The following NUP62CL variants were observed in gnomAD, a reference collection of about 807,000 sequenced individuals.
The protein encoded by NUP62CL is nucleoporin 62 C-terminal like.
Under a neutral mutation model 15.3 loss-of-function variants are expected in NUP62CL, and 13 were observed. That is an observed-to-expected ratio of 0.85 (90% CI 0.55 to 1.35). The LOEUF (loss-of-function observed/expected upper bound fraction) is 1.35. NUP62CL is among the 40% of genes most tolerant of loss of function. The pLI, the probability that NUP62CL is intolerant of heterozygous loss-of-function variation, is 0.00. For synonymous variants in NUP62CL, 54 were observed against 49.2 expected (o/e 1.10, Z -0.41); for missense variants, 123 against 130.6 (o/e 0.94, Z 0.28).
At position 107,189,877 on chromosome X, in the gene NUP62CL, A is replaced by AAAAGAAAGAAAG. The variant is rs55670914; in HGVS notation, c.-48+3140_-48+3151dup. On this transcript the variant is annotated intron_variant, in intron 2 of 8. Transcript: ENST00000372466. ...AGGAAGGAAGGAAGGAAAAAGAAAGAAAAGAAAGAAAGAAAGAAAGAAAGA... is the reference window on the plus strand; with the variant it reads ...AGGAAGGAAGGAAGGAAAAAGAAAGAAAAGAAAGAAAGAAAGAAAGAAAGAAAGAAAGAAAGA... Among the ~76,000 whole-genome samples, 155 of 56,102 alleles carry AAAAGAAAGAAAG rather than the reference A, an allele frequency of 2.8e-3. 1 individual carries two copies. Among genetic ancestry groups the AAAAGAAAGAAAG allele is most frequent in the Non-Finnish European group, 3.9e-3 (127 of 32,512 alleles). The allele number at this position is 56,102 out of a possible 115,157, so 48.7% of individuals were successfully genotyped here. A position where few individuals can be genotyped will look rare whatever the true frequency, so the allele number is the denominator to read the frequency against.
rs3072235 is a variant in NUP62CL at position 107,185,196 on chromosome X, C to CAAAAAA, written c.-48+7827_-48+7832dup. On this transcript the variant is annotated intron_variant, in intron 2 of 8. Transcript: ENST00000372466. The stretch of plus-strand genomic sequence containing the variant: ...TGGGCGACACAGCGAGACTCCGTCT[C>CAAAAAA]AAAAAAAAAAAAAAAAAAAAAAAAA... 5.8e-3 allele frequency among the ~76,000 whole-genome samples: 121 copies of CAAAAAA among 20,944 alleles called. 24 individuals are homozygous for CAAAAAA. Among genetic ancestry groups the CAAAAAA allele is most frequent in the African/African-American group, 0.014 (92 of 6,456 alleles). 18.2% of individuals were successfully genotyped at this position (20,944 alleles called of 115,157 possible).
At chrX:107,126,205 C>CA (rs1448353097) in intron 8 of NUP62CL, among the ~76,000 whole-genome samples, 3 of 111,683 alleles carry the variant, frequency 2.7e-5, no homozygotes, top group Non-Finnish European at 5.7e-5. Flanking sequence ...ACACTGACAA[C>CA]AAAAAAACAT....
intron 2 of NUP62CL, among the ~76,000 whole-genome samples, chrX:107,183,000 C>T (rs1926954275): frequency 9.0e-6 from 1 of 111,068 alleles, no homozygotes; most frequent in Non-Finnish European, 1.9e-5. Context: ...GAGTTCAAGA[C>T]CACCCTGGGC....
chrX:107,124,364 CT>C (rs1384933288), intron 8 of NUP62CL, 32 bp from the exon 9 acceptor site: 3 of 337,259 alleles, frequency 8.9e-6, no homozygotes, highest in South Asian at 5.4e-5. Flanking sequence ...AATCATTAAT[CT>C]AAGGCCAAAA....
intron 1 of NUP62CL, among the ~76,000 whole-genome samples, chrX:107,194,778 T>C (rs1299192403): frequency 9.2e-6 from 1 of 108,602 alleles, no homozygotes; most frequent in Non-Finnish European, 1.9e-5. Flanking sequence ...ATCTCAAAAA[T>C]TCACATTGAG....
chrX:107,202,048 T>C (rs1300014292), intron 1 of NUP62CL, among the ~76,000 whole-genome samples: 1 of 112,255 alleles, frequency 8.9e-6, no homozygotes, highest in Non-Finnish European at 1.9e-5. Context: ...AGGGCACTTA[T>C]AAATACAGAT....
chrX:107,150,883 A>G (rs1411446035), intron 7 of NUP62CL: 3 of 341,351 alleles, frequency 8.8e-6, no homozygotes, highest in Non-Finnish European at 1.8e-5. Context: ...AAGAACTTTC[A>G]AATGTATTCA....
At chrX:107,181,643 C>T (rs1398068751) in intron 2 of NUP62CL, among the ~76,000 whole-genome samples, 1 of 110,964 alleles carries the variant, frequency 9.0e-6, no homozygotes, top group African/African-American at 3.3e-5. Context: ...CTTTCCTTCC[C>T]CCAAAGATTC....
intron 8 of NUP62CL, among the ~76,000 whole-genome samples, chrX:107,144,706 T>C (rs1925847692): frequency 9.0e-6 from 1 of 111,690 alleles, no homozygotes; most frequent in Non-Finnish European, 1.9e-5. Context: ...ACTGACACTC[T>C]CACATCTCAG....
intron 8 of NUP62CL, among the ~76,000 whole-genome samples, chrX:107,138,654 A>G (rs1925697126): frequency 8.9e-6 from 1 of 111,901 alleles, no homozygotes; most frequent in South Asian, 3.8e-4. Flanking sequence ...AAATAGCGAA[A>G]ATACCAAATG....
At chrX:107,175,399 A>G (rs1926759739) in intron 2 of NUP62CL, among the ~76,000 whole-genome samples, 1 of 111,773 alleles carries the variant, frequency 8.9e-6, no homozygotes, top group South Asian at 3.7e-4. Flanking sequence ...TCAGTCTTCT[A>G]GCACCATCAT....
chrX:107,195,637 T>G (rs1015358825), intron 1 of NUP62CL, among the ~76,000 whole-genome samples: 1 of 111,914 alleles, frequency 8.9e-6, no homozygotes, highest in Admixed American at 9.5e-5. Flanking sequence ...AGGACAACAT[T>G]TATCTGAATG....
chrX:107,178,160 A>G (rs1033172247), intron 2 of NUP62CL, among the ~76,000 whole-genome samples: 6 of 111,757 alleles, frequency 5.4e-5, no homozygotes, highest in Admixed American at 3.8e-4. Context: ...CAAAATGTAG[A>G]TTAGTGGTTG....
chrX:107,203,733 G>A (rs1927542620), intron 1 of NUP62CL, among the ~76,000 whole-genome samples: 1 of 111,344 alleles, frequency 9.0e-6, no homozygotes. Flanking sequence ...AAAAGTATAT[G>A]AAAAAGGATC....
chrX:107,167,706 T>C lies in NUP62CL; in HGVS notation c.137A>G (p.Gln46Arg), dbSNP rs1423935514. 8.3e-7 allele frequency: 1 copy of C among 1,208,226 alleles called. No individual in the cohort carries two copies. The highest frequency in any genetic ancestry group is 1.1e-6 in the Non-Finnish European group (1 of 893,566). Residue 46 changes from glutamine (Q) to arginine (R), a missense_variant, in exon 4 of 9, where the codon CAA (glutamine) becomes CGA (arginine). By Grantham distance (43) the Gln-to-Arg change is conservative. Coordinates refer to ENST00000372466, the MANE Select transcript of NUP62CL (RefSeq NM_017681.3). The stretch of plus-strand genomic sequence containing the variant: ...AAACCCTCTTGATAACAGTTGGTTT[T>C]GGTTCACAGTAAAGCCACTGGTGAT... Reference protein sequence around the residue: ...TTITSGFTVNQNQLLSRGFEN... With the variant: ...TTITSGFTVNRNQLLSRGFEN...
Position 107,189,140 on chromosome X carries a change from A to G in NUP62CL, c.-48+3889T>C, listed in dbSNP as rs1331799682. 2.7e-5 allele frequency among the ~76,000 whole-genome samples: 3 copies of G among 112,113 alleles called. No individual in the cohort carries two copies. The Admixed American group carries it at 2.8e-4, about 11-fold the overall frequency. ...TATCACTATCTACAAAAATGGCTAA[A>G]ATAAAAAATAGTAACACCAAATGAT... is the stretch of plus-strand genomic sequence containing the variant. On this transcript the variant is annotated intron_variant, in intron 2 of 8. Transcript: ENST00000372466.
intron 4 of NUP62CL, among the ~76,000 whole-genome samples, chrX:107,164,319 T>C (rs1445187203): frequency 3.6e-5 from 4 of 111,623 alleles, no homozygotes; most frequent in African/African-American, 1.3e-4. Flanking sequence ...AATCACAATA[T>C]AACATAATAT....
intron 1 of NUP62CL, among the ~76,000 whole-genome samples, chrX:107,194,648 A>T (rs934909596): frequency 9.0e-6 from 1 of 111,057 alleles, no homozygotes; most frequent in African/African-American, 3.3e-5. Context: ...AACCTGTCAT[A>T]ATTCCTTATT....
At chrX:107,153,611 T>C in intron 5 of NUP62CL, 108 bp from the exon 6 acceptor site, 1 of 494,846 alleles carries the variant, frequency 2.0e-6, no homozygotes. Flanking sequence ...AGATTTCCTT[T>C]TATTCAGGGT....
Sources: gnomAD v4.1 joint callset for allele counts (sites outside exome capture counted in the v4.1 genomes callset) on GRCh38, gnomAD v4.1.1 for gene constraint, MANE v1.5 for transcripts, NCBI Gene and HGNC (gene_info 2026-07-23, HGNC 2026-07-21) for gene names.